EIF3B: variants seen among roughly 807,000 people sequenced by gnomAD.
The protein encoded by EIF3B is eukaryotic translation initiation factor 3 subunit 9.
Under a neutral mutation model 104.6 loss-of-function variants are expected in EIF3B, and 10 were observed. The ratio of observed to expected loss-of-function variants is 0.10; its 90% CI spans 0.06 to 0.16. The LOEUF (loss-of-function observed/expected upper bound fraction) is 0.16. Ranked by LOEUF, EIF3B falls within the 10% of genes least tolerant of loss-of-function variation. The probability of loss-of-function intolerance (pLI) is 1.00; values close to 1 mark genes in which losing one functional copy is unlikely to be tolerated. For synonymous variants in EIF3B, 542 were observed against 417.2 expected (o/e 1.30, Z -3.65); for missense variants, 1,014 against 1,087.9 (o/e 0.93, Z 0.96).
chr7:2,365,366 G>C (rs1779949979), intron 6 of EIF3B, among the ~76,000 whole-genome samples: 1 of 152,168 alleles, frequency 6.6e-6, no homozygotes, highest in Admixed American at 6.5e-5. Context: ...GACAGTTGTG[G>C]AAGGCAGTGT....
intron 14 of EIF3B, among the ~76,000 whole-genome samples, 179 bp downstream of exon 14, chr7:2,375,706 C>T (rs962775532): frequency 1.3e-5 from 2 of 152,090 alleles, no homozygotes; most frequent in Non-Finnish European, 2.9e-5. Context: ...GAAGAGGTGG[C>T]GCCGAGTGCA....
In EIF3B at chr7:2,379,647, C is replaced by G. The variant is rs938420821; in HGVS notation, c.*14+136C>G. On this transcript the variant is annotated intron_variant, in intron 18 of 18. Coordinates refer to ENST00000360876, the MANE Select transcript of EIF3B (RefSeq NM_001037283.2). Reference sequence around the variant, plus strand: ...CCTAGTGTCATGTGCCCAGGGTTAGCTGAGCCTCGTGTGAAATGTAGAGTC... The same window carrying G: ...CCTAGTGTCATGTGCCCAGGGTTAGGTGAGCCTCGTGTGAAATGTAGAGTC... The G allele has an allele frequency of 1.2e-5, 8 of 651,008 alleles. No homozygotes were observed. In the African/African-American group the frequency reaches 1.4e-4, roughly 12 times the overall value. 40.3% of individuals were successfully genotyped at this position (651,008 alleles called of 1,614,324 possible). A position where few individuals can be genotyped will look rare whatever the true frequency, so the allele number is the denominator to read the frequency against.
In EIF3B at chr7:2,363,657, A is replaced by C; in HGVS notation, c.896A>C (p.Glu299Ala). ...DLGNLRYWLE[E>A]AECRDQYSVI... ...GGGAACTTACGTTACTGGCTTGAAG[A>C]GGCAGAATGCAGAGATCAGTACAGT... The change falls in exon 5 of 19, where the codon GAG becomes GCG. Residue 299 changes from glutamate to alanine, a missense_variant. By Grantham distance (107) the Glu-to-Ala change is moderately radical. Transcript: ENST00000360876. 1 of 1,609,638 alleles carries C rather than the reference A, an allele frequency of 6.2e-7. No individual in the cohort carries two copies. Among genetic ancestry groups the C allele is most frequent in the Non-Finnish European group, 8.5e-7 (1 of 1,178,798 alleles).
intron 15 of EIF3B, among the ~76,000 whole-genome samples, chr7:2,377,587 G>T (rs73673816): frequency 1.3e-4 from 13 of 102,702 alleles, no homozygotes; most frequent in African/African-American, 5.6e-4. Flanking sequence ...GAATGACCCT[G>T]GGTGTCATGG....
intron 13 of EIF3B, 120 bp from the exon 14 acceptor site, chr7:2,375,269 G>C (rs1346819223): frequency 7.6e-7 from 1 of 1,307,218 alleles, no homozygotes; most frequent in Non-Finnish European, 1.1e-6. Context: ...TGCTGTGCTT[G>C]TTTCCATGTT....
chr7:2,366,030 A>G (rs1035744316), intron 6 of EIF3B, among the ~76,000 whole-genome samples: 2 of 152,154 alleles, frequency 1.3e-5, no homozygotes, highest in African/African-American at 4.8e-5. Flanking sequence ...GGGTAAAGAT[A>G]GAGTTCCACA....
chr7:2,354,697 A>G (rs77477547), upstream of EIF3B, among the ~76,000 whole-genome samples: 2 of 152,214 alleles, frequency 1.3e-5, no homozygotes, highest in East Asian at 1.9e-4. Flanking sequence ...CTTGTCACAA[A>G]TATATCAGTT....
chr7:2,380,616 G>C lies in EIF3B; in HGVS notation c.*427G>C. 3.0e-6 allele frequency: 1 copy of C among 335,958 alleles called. No individual in the cohort carries two copies. The highest frequency in any genetic ancestry group is 5.9e-6 in the Non-Finnish European group (1 of 169,576). The allele number at this position is 335,958 out of a possible 1,614,324, so 20.8% of individuals were successfully genotyped here. A position where few individuals can be genotyped will look rare whatever the true frequency, so the allele number is the denominator to read the frequency against. On this transcript the variant is annotated 3_prime_UTR_variant, in exon 19 of 19. Transcript: ENST00000360876. ...GTTGAAGGACTTGCATCCCCATTGC[G>C]GGCAGTGCTGGACGTGTCCCGGAGA...
intron 6 of EIF3B, 46 bp from the exon 7 acceptor site, chr7:2,366,271 C>T (rs1392855402): frequency 1.3e-6 from 2 of 1,531,554 alleles, no homozygotes; most frequent in East Asian, 2.3e-5. Context: ...GACTGTGATC[C>T]TCTCGTGAGA....
At chr7:2,376,760 C>G (rs1043485271) in intron 14 of EIF3B, 190 bp from the exon 15 acceptor site, 3 of 724,594 alleles carry the variant, frequency 4.1e-6, no homozygotes, top group East Asian at 5.8e-5. Flanking sequence ...GCCCCGCACT[C>G]CGGGTCGGTT....
chr7:2,369,595 G>T lies in EIF3B; in HGVS notation c.1527G>T (p.Leu509=). Residue 509 remains leucine (L), a synonymous_variant, in exon 10 of 19, where the codon CTG becomes CTT. Transcript: ENST00000360876. ...PTRQEIRVRN[L]FNVVDCKLHW... Reference sequence around the variant, plus strand: ...GGCAAGAGATCCGAGTGAGGAACCTGTTCAATGTGGTGGACTGCAAGCTCC... The same window carrying T: ...GGCAAGAGATCCGAGTGAGGAACCTTTTCAATGTGGTGGACTGCAAGCTCC... 1 of 1,614,106 alleles carries T rather than the reference G, an allele frequency of 6.2e-7. No individual in the cohort carries two copies. The highest frequency in any genetic ancestry group is 8.5e-7 in the Non-Finnish European group (1 of 1,180,018).
Position 2,366,551 on chromosome 7 carries a change from C to G in EIF3B, c.1316C>G (p.Ala439Gly). 1 of 1,614,148 alleles carries G rather than the reference C, an allele frequency of 6.2e-7. No homozygotes were observed. The highest frequency in any genetic ancestry group is 8.5e-7 in the Non-Finnish European group (1 of 1,180,026). The part of the protein sequence containing the change: ...FKWSHDGKFF[A>G]RMTLDTLSIY... ...TGGAGCCATGATGGCAAATTCTTTGCCAGAATGACCCTGGATACGCTTAGC... is the reference window on the plus strand; with the variant it reads ...TGGAGCCATGATGGCAAATTCTTTGGCAGAATGACCCTGGATACGCTTAGC... The change falls in exon 8 of 19, where the codon GCC becomes GGC. Residue 439 changes from alanine (A) to glycine (G), a missense_variant. By Grantham distance (60) the Ala-to-Gly change is moderately conservative (BLOSUM62 0). This residue lies in a region of EIF3B where 201 missense variants were observed against 240.7 expected (regional missense o/e 0.83). Transcript: ENST00000360876.
At chr7:2,376,449 G>A (rs535437629) in intron 14 of EIF3B, 1 of 152,610 alleles carries the variant, frequency 6.6e-6, no homozygotes, top group Non-Finnish European at 1.5e-5. Context: ...TGCCAGTGAA[G>A]GCGCCCTCCT....
intron 8 of EIF3B, 169 bp from the exon 9 acceptor site, chr7:2,366,830 T>C: frequency 1.2e-6 from 1 of 832,308 alleles, no homozygotes; most frequent in Non-Finnish European, 1.9e-6. Flanking sequence ...GCTTCAGAAC[T>C]GCAGTTCTGG....
Position 2,354,984 on chromosome 7 carries a change from G to A in EIF3B, c.63G>A (p.Gln21=), listed in dbSNP as rs1779311307. The A allele has an allele frequency of 1.7e-6, 2 of 1,171,206 alleles. No homozygotes were observed. Among genetic ancestry groups the A allele is most frequent in the African/African-American group, 1.6e-5 (1 of 61,318 alleles). The allele number at this position is 1,171,206 out of a possible 1,614,324, so 72.6% of individuals were successfully genotyped here. A position where few individuals can be genotyped will look rare whatever the true frequency, so the allele number is the denominator to read the frequency against. ...CCGAGGAGCGCGCCGAGCCCGGCCA[G>A]CAGCAGCCGGCCGCCGAGCCGCCGC... The part of the protein sequence containing the change: ...EAAEERAEPG[Q]QQPAAEPPPA... The change falls in exon 1 of 19, where the codon CAG becomes CAA. Residue 21 remains glutamine, a synonymous_variant. Coordinates refer to ENST00000360876, the MANE Select transcript of EIF3B (RefSeq NM_001037283.2).
intron 15 of EIF3B, among the ~76,000 whole-genome samples, 164 bp downstream of exon 15, chr7:2,377,239 A>T (rs113514238): frequency 1.2e-4 from 18 of 152,372 alleles, no homozygotes; most frequent in African/African-American, 4.3e-4. Context: ...ACTGAATGGA[A>T]TAGAACAGCT....
rs1244947426 is a variant in EIF3B at position 2,362,681 on chromosome 7, T to C, written c.729T>C (p.Ala243=). 2 of 1,614,134 alleles carry C rather than the reference T, an allele frequency of 1.2e-6. No individual in the cohort carries two copies. Among genetic ancestry groups the C allele is most frequent in the South Asian group, 1.1e-5 (1 of 91,094 alleles). Residue 243 remains alanine (A), a synonymous_variant, in exon 3 of 19, where the codon GCT becomes GCC. Transcript: ENST00000360876. ...TGGAGTACGCGTCCCCTGCCCACGCTGTGGATGCTGTGAAGAACGCCGACG... is the reference window on the plus strand; with the variant it reads ...TGGAGTACGCGTCCCCTGCCCACGCCGTGGATGCTGTGAAGAACGCCGACG... The part of the protein sequence containing the change: ...IFLEYASPAH[A]VDAVKNADGY...
At chr7:2,364,253 C>G (rs929354057) in intron 5 of EIF3B, 119 bp from the exon 6 acceptor site, 3 of 930,240 alleles carry the variant, frequency 3.2e-6, no homozygotes, top group East Asian at 5.4e-5. Flanking sequence ...CAGCGAGACT[C>G]CGTCTCAAAA....
In EIF3B at chr7:2,366,646, G is replaced by T. The variant is rs1432816031; in HGVS notation, c.1356+55G>T. On this transcript the variant is annotated intron_variant, in intron 8 of 18. Transcript: ENST00000360876. Reference sequence around the variant, plus strand: ...CGTCCGGTCCTTGCTTGTAACCGGGGTGTGGTGCCTTTCCTTATTTGTGCT... The same window carrying T: ...CGTCCGGTCCTTGCTTGTAACCGGGTTGTGGTGCCTTTCCTTATTTGTGCT... 4 of 1,586,884 alleles carry T rather than the reference G, an allele frequency of 2.5e-6. No homozygotes were observed. In the South Asian group the frequency reaches 3.3e-5, roughly 13 times the overall value.
Sources: gnomAD v4.1 joint callset for allele counts (sites outside exome capture counted in the v4.1 genomes callset) on GRCh38, gnomAD v4.1.1 for gene constraint, gnomAD v4.1.1 regional missense constraint, MANE v1.5 for transcripts, NCBI Gene and HGNC (gene_info 2026-07-23, HGNC 2026-07-21) for gene names.